Variants in PPP1R12B observed in about 807,000 individuals in gnomAD.
PPP1R12B encodes protein phosphatase 1 regulatory subunit 12B, also known as myosin phosphatase target subunit 2.
Under a neutral mutation model 126.1 loss-of-function variants are expected in PPP1R12B, and 76 were observed. The observed-to-expected ratio is 0.60, with a 90% confidence interval of 0.50 to 0.73. The LOEUF (loss-of-function observed/expected upper bound fraction) is 0.73. PPP1R12B is among the 30% of genes least tolerant of loss of function. The probability of loss-of-function intolerance (pLI) is 0.00; values close to 1 mark genes in which losing one functional copy is unlikely to be tolerated. For synonymous variants in PPP1R12B, 356 were observed against 434.7 expected, an observed-to-expected ratio of 0.82 and a Z score of 2.25; for missense variants, 1,052 against 1,205.1, an observed-to-expected ratio of 0.87 and a Z score of 1.88.
At position 202,449,092 on chromosome 1, in the gene PPP1R12B, A is replaced by G. The variant is rs751339016; in HGVS notation, c.1771A>G (p.Thr591Ala). The G allele has an allele frequency of 1.2e-6, 2 of 1,613,902 alleles. No homozygotes were observed. The highest frequency in any genetic ancestry group is 3.3e-5 in the Admixed American group (2 of 60,004). The change falls in exon 13 of 24, where the codon ACT becomes GCT. Residue 591 changes from threonine to alanine, a missense_variant. Coordinates refer to ENST00000608999, the MANE Select transcript of PPP1R12B (RefSeq NM_002481.4). The part of the protein sequence containing the change: ...CVITNRPLPS[T>A]ANGVTATPVL... ...GATCACCAATCGCCCTCTTCCTAGC[A>G]CTGCCAATGGGGTTACAGCTACTCC...
At chr1:202,351,204 G>C (rs1227052916) in intron 1 of PPP1R12B, among the ~76,000 whole-genome samples, 1 of 147,672 alleles carries the variant, frequency 6.8e-6, no homozygotes, top group Non-Finnish European at 1.5e-5. Flanking sequence ...CCATGACTTG[G>C]AGAAGTTTTT....
At chr1:202,481,366 G>C (rs768775094) in intron 13 of PPP1R12B, among the ~76,000 whole-genome samples, 3 of 152,122 alleles carry the variant, frequency 2.0e-5, no homozygotes, top group Non-Finnish European at 4.4e-5. Context: ...TTCCAACTAT[G>C]TATTTGTGCA....
chr1:202,373,136 A>G (rs1660587615), intron 1 of PPP1R12B, among the ~76,000 whole-genome samples: 1 of 152,044 alleles, frequency 6.6e-6, no homozygotes, highest in Non-Finnish European at 1.5e-5. Flanking sequence ...GGGTTTCACC[A>G]TGTTGGCCAG....
chr1:202,523,578 G>C (rs1199180751), intron 18 of PPP1R12B, among the ~76,000 whole-genome samples: 2 of 152,232 alleles, frequency 1.3e-5, no homozygotes, highest in Non-Finnish European at 2.9e-5. Context: ...AGAGTAGCAG[G>C]AAAGAGAATC....
intron 7 of PPP1R12B, among the ~76,000 whole-genome samples, chr1:202,431,194 A>G (rs1670145023): frequency 1.3e-5 from 2 of 152,186 alleles, no homozygotes; most frequent in Non-Finnish European, 2.9e-5. Context: ...GTACTCAGTA[A>G]ACATTTGTTA....
In PPP1R12B at chr1:202,444,621, T is replaced by C. The variant is rs144119181; in HGVS notation, c.1667+2049T>C. On this transcript the variant is annotated intron_variant, in intron 12 of 23. Transcript: ENST00000608999. ...TTGCTTTTGCAGTGCTAATTCTGTA[T>C]CAGGTAGACATTTGGGGTTGCATGA... 2.4e-3 allele frequency among the ~76,000 whole-genome samples: 372 copies of C among 152,346 alleles called. 1 individual carries two copies. The highest frequency in any genetic ancestry group is 8.6e-3 in the African/African-American group (358 of 41,580).
chr1:202,466,928 C>G (rs1025785112), intron 13 of PPP1R12B, among the ~76,000 whole-genome samples: 5 of 152,190 alleles, frequency 3.3e-5, no homozygotes, highest in African/African-American at 7.2e-5. Context: ...ACTTGGAAAT[C>G]AAACTAGAAG....
intron 18 of PPP1R12B, among the ~76,000 whole-genome samples, chr1:202,500,016 A>G (rs954363946): frequency 3.9e-5 from 6 of 152,248 alleles, no homozygotes; most frequent in African/African-American, 1.4e-4. Context: ...TTAATACGCT[A>G]TTGGTGGGAA....
At chr1:202,439,319 G>A in intron 10 of PPP1R12B, 1 of 1,423,082 alleles carries the variant, frequency 7.0e-7, no homozygotes, top group Non-Finnish European at 9.9e-7. Context: ...CCATCCTGAG[G>A]GCAGCCCTGA....
At chr1:202,401,361 ATT>A (rs34810265) in intron 1 of PPP1R12B, among the ~76,000 whole-genome samples, 99 of 71,424 alleles carry the variant, frequency 1.4e-3, no homozygotes, top group East Asian at 8.2e-3. Context: ...GGCTAATTTA[ATT>A]TTTTTTTTTT....
intron 2 of PPP1R12B, among the ~76,000 whole-genome samples, chr1:202,420,784 C>T (rs1668637154): frequency 6.6e-6 from 1 of 152,164 alleles, no homozygotes; most frequent in Middle Eastern, 3.4e-3. Context: ...TCCTCTGAGA[C>T]TATAAGGGAA....
Position 202,565,970 on chromosome 1 carries a change from C to T in PPP1R12B, c.2757+1423C>T, listed in dbSNP as rs1299180047. On this transcript the variant is annotated intron_variant, in intron 21 of 23. Coordinates refer to ENST00000608999, the MANE Select transcript of PPP1R12B (RefSeq NM_002481.4). This position sits in a 1 kb window ranked among gnomAD's most constrained non-coding sequence, Gnocchi z 4.3. ...TGGGGCTAATTTTTATTCTGAATGG[C>T]GCCACATATTGGCAGTGGTTTATAA... Among the ~76,000 whole-genome samples, 1 of 151,356 alleles carries T rather than the reference C, an allele frequency of 6.6e-6. No individual in the cohort carries two copies. Among genetic ancestry groups the T allele is most frequent in the Non-Finnish European group, 1.5e-5 (1 of 67,970 alleles).
At position 202,486,021 on chromosome 1, in the gene PPP1R12B, A is replaced by G. The variant is rs565673747; in HGVS notation, c.1851-2512A>G. The stretch of plus-strand genomic sequence containing the variant: ...CTCAGCCTCACGAGTAGGTGGGACT[A>G]CAGGCATGTGCCACTGCACCCGGCT... On this transcript the variant is annotated intron_variant, in intron 13 of 23. Coordinates refer to ENST00000608999, the MANE Select transcript of PPP1R12B (RefSeq NM_002481.4). Among the ~76,000 whole-genome samples the G allele has an allele frequency of 1.6e-4, 25 of 152,284 alleles. 1 individual carries two copies. The South Asian group carries it at 5.2e-3, about 32-fold the overall frequency.
intron 1 of PPP1R12B, among the ~76,000 whole-genome samples, chr1:202,400,655 G>A (rs1235032662): frequency 6.6e-6 from 1 of 152,210 alleles, no homozygotes. Context: ...GTTTATAATA[G>A]CTAACAGCAA....
chr1:202,453,515 G>T (rs1673258505), intron 13 of PPP1R12B, among the ~76,000 whole-genome samples: 3 of 151,886 alleles, frequency 2.0e-5, no homozygotes, highest in African/African-American at 7.2e-5. Flanking sequence ...GAGTAAGATT[G>T]GTATTAATTC....
At chr1:202,470,853 T>C (rs1675768231) in intron 13 of PPP1R12B, among the ~76,000 whole-genome samples, 1 of 150,660 alleles carries the variant, frequency 6.6e-6, no homozygotes, top group Admixed American at 6.6e-5. Flanking sequence ...TGTAGTGAGC[T>C]ATGATCATGC....
At chr1:202,484,916 A>C (rs1677873571) in intron 13 of PPP1R12B, among the ~76,000 whole-genome samples, 1 of 152,134 alleles carries the variant, frequency 6.6e-6, no homozygotes, top group South Asian at 2.1e-4. Flanking sequence ...AGGGCCACAC[A>C]ACCCTGCAGT....
At chr1:202,412,932 A>G (rs1667600426) in intron 1 of PPP1R12B, among the ~76,000 whole-genome samples, 2 of 152,222 alleles carry the variant, frequency 1.3e-5, no homozygotes. Flanking sequence ...TATATGACCA[A>G]TTTAGTGATA....
At chr1:202,394,821 A>G (rs181169702) in intron 1 of PPP1R12B, among the ~76,000 whole-genome samples, 8 of 152,038 alleles carry the variant, frequency 5.3e-5, no homozygotes, top group South Asian at 2.1e-4. Flanking sequence ...GAGAAGAGAA[A>G]AGAAAAGAAA....
Sources: allele counts gnomAD v4.1 joint callset (sites outside exome capture counted in the v4.1 genomes callset), GRCh38; gene constraint gnomAD v4.1.1; non-coding constraint Gnocchi (gnomAD v3.1); transcripts MANE v1.5; gene names NCBI Gene and HGNC (gene_info 2026-07-23, HGNC 2026-07-21).